The following PLCB4 variants were observed in gnomAD, a reference collection of about 807,000 sequenced individuals.
The protein encoded by PLCB4 is 1-phosphatidylinositol 4,5-bisphosphate phosphodiesterase beta-4.
Under a neutral mutation model 178.8 loss-of-function variants are expected in PLCB4, and 77 were observed. The ratio of observed to expected loss-of-function variants is 0.43; its 90% CI spans 0.36 to 0.52. The LOEUF is 0.52. Ranked by LOEUF, PLCB4 falls within the 20% of genes least tolerant of loss-of-function variation. PLCB4 has a pLI of 0.00. For missense variants in PLCB4, 1,024 were observed against 1,453.4 expected (o/e 0.70, Z 4.80); for synonymous variants, 496 against 490.8 (o/e 1.01, Z -0.14).
At chr20:9,306,350 AC>A (rs972965276) in intron 3 of PLCB4, among the ~76,000 whole-genome samples, 2 of 141,496 alleles carry the variant, frequency 1.4e-5, no homozygotes, top group East Asian at 2.3e-4. Context: ...CAGGTGATCC[AC>A]CCCCTCCCCC....
intron 2 of PLCB4, among the ~76,000 whole-genome samples, chr20:9,113,972 G>A (rs1322445703): frequency 6.6e-6 from 1 of 152,176 alleles, no homozygotes. Flanking sequence ...CCAGCACTTT[G>A]GGAGGCTGAG....
intron 3 of PLCB4, among the ~76,000 whole-genome samples, chr20:9,266,486 C>A (rs1028376803): frequency 2.0e-5 from 3 of 151,852 alleles, no homozygotes; most frequent in African/African-American, 7.3e-5. Context: ...AATTTTTGGC[C>A]CTGTAAGTTG....
At chr20:9,095,900 A>G (rs1311200526) in intron 1 of PLCB4, among the ~76,000 whole-genome samples, 2 of 151,764 alleles carry the variant, frequency 1.3e-5, no homozygotes, top group Non-Finnish European at 2.9e-5. Flanking sequence ...GGAAAAGCAG[A>G]AACAAGAGTG....
At chr20:9,323,090 T>C (rs932182682) in intron 4 of PLCB4, among the ~76,000 whole-genome samples, 2 of 152,240 alleles carry the variant, frequency 1.3e-5, no homozygotes, top group African/African-American at 4.8e-5. Context: ...TCCAAAGTTC[T>C]TTCTGTGTCC....
intron 4 of PLCB4, among the ~76,000 whole-genome samples, chr20:9,310,431 C>A (rs2094817818): frequency 6.6e-6 from 1 of 152,140 alleles, no homozygotes; most frequent in South Asian, 2.1e-4. Flanking sequence ...AAGAAAGCAG[C>A]TGGGCACAGT....
intron 2 of PLCB4, among the ~76,000 whole-genome samples, chr20:9,160,981 C>T (rs906025696): frequency 1.3e-5 from 2 of 152,126 alleles, no homozygotes; most frequent in Non-Finnish European, 2.9e-5. Context: ...GCCAGAGTTG[C>T]ATTAGCAAGT....
chr20:9,195,128 A>G (rs2093455537), intron 2 of PLCB4, among the ~76,000 whole-genome samples: 1 of 152,240 alleles, frequency 6.6e-6, no homozygotes, highest in African/African-American at 2.4e-5. Flanking sequence ...AGTTAAATGA[A>G]AAACTGCAGT....
intron 3 of PLCB4, among the ~76,000 whole-genome samples, chr20:9,217,655 C>T (rs2093748041): frequency 6.6e-6 from 1 of 152,220 alleles, no homozygotes; most frequent in South Asian, 2.1e-4. Flanking sequence ...AATTTCACTA[C>T]TAACCTTGGG....
chr20:9,137,670 T>G (rs2146851134), intron 2 of PLCB4, among the ~76,000 whole-genome samples: 1 of 152,266 alleles, frequency 6.6e-6, no homozygotes, highest in African/African-American at 2.4e-5. Context: ...GTGCTAATTT[T>G]AGATAAGTAA....
intron 19 of PLCB4, among the ~76,000 whole-genome samples, chr20:9,398,229 C>G (rs936206056): frequency 2.2e-4 from 33 of 152,272 alleles, no homozygotes; most frequent in African/African-American, 7.5e-4. Context: ...GAAGCAGTCT[C>G]AGGGCCCATC....
rs141300952 is a variant in PLCB4, at chr20:9,208,785, C to A, written c.-78-8605C>A. 8.6e-3 allele frequency among the ~76,000 whole-genome samples: 1,304 copies of A among 152,270 alleles called. 15 individuals carry two copies. Among genetic ancestry groups the A allele is most frequent in the African/African-American group, 0.029 (1,212 of 41,566 alleles). ...CAAACTTCTGGGCCTAAGCAGTCCTCCCATCTTGGCATTCCAAAGTGTTGG... is the reference window on the plus strand; with the variant it reads ...CAAACTTCTGGGCCTAAGCAGTCCTACCATCTTGGCATTCCAAAGTGTTGG... On this transcript the variant is annotated intron_variant, in intron 2 of 39. Coordinates refer to ENST00000378473, the MANE Select transcript of PLCB4 (RefSeq NM_001377142.1).
chr20:9,280,928 A>G (rs189271311), intron 3 of PLCB4, among the ~76,000 whole-genome samples: 30 of 150,902 alleles, frequency 2.0e-4, no homozygotes, highest in Admixed American at 1.8e-3. Flanking sequence ...CTCTTAGCTT[A>G]GGGCAAAGAA....
intron 32 of PLCB4, among the ~76,000 whole-genome samples, chr20:9,444,575 C>T (rs1289342147): frequency 2.0e-5 from 3 of 152,090 alleles, no homozygotes; most frequent in Non-Finnish European, 4.4e-5. Context: ...CCAGCCTGAC[C>T]AACATGGTAA....
intron 25 of PLCB4, among the ~76,000 whole-genome samples, chr20:9,411,899 A>G (rs1206997648): frequency 6.6e-6 from 1 of 152,164 alleles, no homozygotes; most frequent in Non-Finnish European, 1.5e-5. Flanking sequence ...ATGGTGGCTC[A>G]CCTGATTGGA....
At chr20:9,093,578 T>C (rs2090774332) in intron 1 of PLCB4, among the ~76,000 whole-genome samples, 1 of 152,126 alleles carries the variant, frequency 6.6e-6, no homozygotes, top group African/African-American at 2.4e-5. Flanking sequence ...TTTCTTGTTT[T>C]TAATCATCAC....
intron 7 of PLCB4, among the ~76,000 whole-genome samples, chr20:9,355,981 T>C (rs1261015388): frequency 6.6e-6 from 1 of 152,232 alleles, no homozygotes; most frequent in Non-Finnish European, 1.5e-5. Context: ...TGTTTAATGA[T>C]TGCCATTCTA....
intron 28 of PLCB4, among the ~76,000 whole-genome samples, chr20:9,430,874 T>C (rs1449414238): frequency 6.6e-6 from 1 of 152,228 alleles, no homozygotes; most frequent in Non-Finnish European, 1.5e-5. Context: ...ATAGTCTTAA[T>C]GATAAAGCCT....
chr20:9,466,266 C>A (rs1345953656), intron 35 of PLCB4, among the ~76,000 whole-genome samples: 3 of 152,162 alleles, frequency 2.0e-5, no homozygotes, highest in Non-Finnish European at 4.4e-5. Context: ...CTTCCTTACA[C>A]CTTATACAAA....
intron 10 of PLCB4, among the ~76,000 whole-genome samples, chr20:9,371,656 A>C (rs1423312022): frequency 2.6e-5 from 4 of 152,344 alleles, no homozygotes; most frequent in Admixed American, 1.3e-4. Context: ...ACACTGCCTC[A>C]ACCAGGCACA....
Sources: gnomAD v4.1 joint callset for allele counts (sites outside exome capture counted in the v4.1 genomes callset) on GRCh38, gnomAD v4.1.1 for gene constraint, MANE v1.5 for transcripts, NCBI Gene and HGNC (gene_info 2026-07-23, HGNC 2026-07-21) for gene names.